The following LRP2 variants were observed in gnomAD, a reference collection of about 807,000 sequenced individuals.
The protein encoded by LRP2 is low-density lipoprotein receptor-related protein 2.
A neutral mutation model predicts 531.0 loss-of-function variants in LRP2; 172 were observed. That is an observed-to-expected ratio of 0.32 (90% CI 0.29 to 0.37). LRP2 has a LOEUF of 0.37. Among genes scored for constraint, LRP2 ranks in the 10% least tolerant of loss-of-function variants. The pLI is 1.00. For missense variants in LRP2, 5,167 were observed against 5,868.3 expected, an observed-to-expected ratio of 0.88 and a Z score of 3.90; for synonymous variants, 1,992 against 2,027.6, an observed-to-expected ratio of 0.98 and a Z score of 0.47.
chr2:169,179,822 T>C (rs1265507429), intron 52 of LRP2, among the ~76,000 whole-genome samples: 1 of 151,910 alleles, frequency 6.6e-6, no homozygotes, highest in Admixed American at 6.6e-5. Context: ...TAAAAATCTA[T>C]TGCTTTATGC....
At chr2:169,320,741 T>C in intron 2 of LRP2, 36 bp downstream of exon 2, 1 of 1,541,352 alleles carries the variant, frequency 6.5e-7, no homozygotes. Flanking sequence ...CTTAGGTTAC[T>C]CAAAATAGAA....
At chr2:169,137,625 A>T (rs1685564144) in intron 75 of LRP2, 132 bp from the exon 76 acceptor site, 6 of 568,496 alleles carry the variant, frequency 1.1e-5, no homozygotes, top group Middle Eastern at 4.0e-4. Context: ...GTGCTACGTC[A>T]TAAGTTACCC....
intron 63 of LRP2, among the ~76,000 whole-genome samples, chr2:169,161,708 A>G (rs921101172): frequency 8.5e-5 from 13 of 152,128 alleles, no homozygotes; most frequent in Non-Finnish European, 1.3e-4. Flanking sequence ...TCCTGGGCTC[A>G]AGAGATTTGT....
chr2:169,153,364 C>T (rs549478805), intron 66 of LRP2, among the ~76,000 whole-genome samples: 8 of 152,264 alleles, frequency 5.3e-5, no homozygotes, highest in South Asian at 4.1e-4. Flanking sequence ...GCCATGTCAA[C>T]GAGAAGTCCT....
chr2:169,266,826 G>A (rs1352635897), intron 16 of LRP2, among the ~76,000 whole-genome samples: 1 of 150,810 alleles, frequency 6.6e-6, no homozygotes, highest in African/African-American at 2.4e-5. Flanking sequence ...TCTCATACAC[G>A]TGACATTTCT....
chr2:169,193,114 A>G (rs1249639671), intron 47 of LRP2, among the ~76,000 whole-genome samples: 3 of 152,164 alleles, frequency 2.0e-5, no homozygotes, highest in Admixed American at 6.5e-5. Flanking sequence ...TCATTGTTAT[A>G]CTGTGAAGGT....
At position 169,307,926 on chromosome 2, in the gene LRP2, T is replaced by A. The variant is rs546561044; in HGVS notation, c.311-529A>T. ...TTTAAGCTAGCTTGATTTCATCCCATGTTGATTAGTATAGGTGAAAGCAGG... is the reference window on the plus strand; with the variant it reads ...TTTAAGCTAGCTTGATTTCATCCCAAGTTGATTAGTATAGGTGAAAGCAGG... On this transcript the variant is annotated intron_variant, in intron 3 of 78. Coordinates refer to ENST00000649046, the MANE Select transcript of LRP2 (RefSeq NM_004525.3). Among the ~76,000 whole-genome samples, 5 of 152,292 alleles carry A rather than the reference T, an allele frequency of 3.3e-5. No homozygotes were observed. In the South Asian group the frequency reaches 1.0e-3, roughly 32 times the overall value.
chr2:169,130,255 C>A (rs1419935071), intron 77 of LRP2, among the ~76,000 whole-genome samples: 1 of 150,958 alleles, frequency 6.6e-6, no homozygotes, highest in Non-Finnish European at 1.5e-5. Flanking sequence ...CTATGCATAT[C>A]AATGTAACTT....
chr2:169,280,510 G>C lies in LRP2; in HGVS notation c.1181C>G (p.Ala394Gly). The change falls in exon 11 of 79, where the codon GCC becomes GGC. Residue 394 changes from alanine (A) to glycine (G), a missense_variant. Physicochemically the swap from Ala to Gly is moderately conservative, Grantham distance 60. This residue lies in a region of LRP2 where 2,811 missense variants were observed against 3,058.0 expected (regional missense o/e 0.92). Transcript: ENST00000649046. ...YCKANDSFGE[A>G]SIIFSNGRDL... ...CCGACCATTGGAGAAGATAATGGAG[G>C]CCTCGCCAACTAAATGCGAAGAAGG... The C allele has an allele frequency of 1.2e-6, 2 of 1,614,080 alleles. No individual in the cohort carries two copies. Among genetic ancestry groups the C allele is most frequent in the East Asian group, 2.2e-5 (1 of 44,868 alleles).
chr2:169,138,128 C>T (rs185997727), intron 75 of LRP2, among the ~76,000 whole-genome samples: 3 of 152,270 alleles, frequency 2.0e-5, no homozygotes, highest in East Asian at 3.9e-4. Context: ...GTGGCAGAGC[C>T]GTGGTCTGGA....
intron 62 of LRP2, 80 bp from the exon 63 acceptor site, chr2:169,162,680 G>T: frequency 6.9e-7 from 1 of 1,447,744 alleles, no homozygotes; most frequent in Non-Finnish European, 9.6e-7. Flanking sequence ...GAGACAGTTT[G>T]TGCTTACCAA....
In LRP2 at chr2:169,225,328, A is replaced by G. The variant is rs1452925768; in HGVS notation, c.5520T>C (p.Pro1840=). ...TCATTACCTCGATTGACTGAGTTCT[A>G]GGATTGGTAGAATAAAGGTTTCTTG... ...WISRNLYSTN[P]RTQSIEVLTL... Residue 1840 remains proline, a synonymous_variant, in exon 33 of 79, where the codon CCT becomes CCC. Coordinates refer to ENST00000649046, the MANE Select transcript of LRP2 (RefSeq NM_004525.3). 1 of 1,613,788 alleles carries G rather than the reference A, an allele frequency of 6.2e-7. No individual in the cohort carries two copies.
chr2:169,142,757 CAG>C lies in LRP2; in HGVS notation c.13023_13024del (p.Cys4342ProfsTer24). The C allele has an allele frequency of 6.2e-7, 1 of 1,614,060 alleles. No individual in the cohort carries two copies. Among genetic ancestry groups the C allele is most frequent in the Non-Finnish European group, 8.5e-7 (1 of 1,179,944 alleles). On this transcript the variant is annotated frameshift_variant, in exon 71 of 79. Transcript: ENST00000649046. LOFTEE classifies it high-confidence loss of function. ...GCTGTATCCTCCAGGTCTCAGAAGG[CAG>C]AGGTGGCTGCAGATCTGTTTGCAAA...
rs769081497 is a variant in LRP2 at position 169,140,540 on chromosome 2, C to T, written c.13114G>A (p.Glu4372Lys). The change falls in exon 72 of 79, where the codon GAA becomes AAA. Residue 4372 changes from glutamate to lysine, a missense_variant. By Grantham distance (56) the Glu-to-Lys change is moderately conservative. Transcript: ENST00000649046. ...GSTTECDAAI[E>K]LPINLPPPCR... ...GGGGGGGGCAGGTTGATAGGCAGTTCGATGGCTGCAGGAAGGGAAAGCCAT... is the reference window on the plus strand; with the variant it reads ...GGGGGGGGCAGGTTGATAGGCAGTTTGATGGCTGCAGGAAGGGAAAGCCAT... 5 of 1,612,958 alleles carry T rather than the reference C, an allele frequency of 3.1e-6. No homozygotes were observed. Among genetic ancestry groups the T allele is most frequent in the Non-Finnish European group, 4.2e-6 (5 of 1,179,150 alleles).
chr2:169,173,771 C>T (rs1162797944), intron 56 of LRP2, 148 bp downstream of exon 56: 3 of 1,055,662 alleles, frequency 2.8e-6, no homozygotes, highest in Admixed American at 3.6e-5. Context: ...CTATACTCTG[C>T]CTTGCAGTGC....
chr2:169,231,929 G>A, intron 30 of LRP2, 87 bp from the exon 31 acceptor site: 2 of 1,530,580 alleles, frequency 1.3e-6, no homozygotes, highest in South Asian at 2.3e-5. Flanking sequence ...TGTCCTTCCA[G>A]AGGCCCCAGT....
At chr2:169,204,426 G>T (rs1688308860) in intron 41 of LRP2, among the ~76,000 whole-genome samples, 155 bp from the exon 42 acceptor site, 1 of 152,168 alleles carries the variant, frequency 6.6e-6, no homozygotes, top group African/African-American at 2.4e-5. Flanking sequence ...TTCTTCTGGT[G>T]ATGGGAGGTC....
At position 169,290,963 on chromosome 2, in the gene LRP2, T is replaced by C. The variant is rs755465752; in HGVS notation, c.804A>G (p.Pro268=). The C allele has an allele frequency of 6.2e-7, 1 of 1,614,010 alleles. No individual in the cohort carries two copies. Among genetic ancestry groups the C allele is most frequent in the African/African-American group, 1.3e-5 (1 of 74,898 alleles). The change falls in exon 8 of 79, where the codon CCA becomes CCG. Residue 268 remains proline, a synonymous_variant. Transcript: ENST00000649046. ...CCGACTCTGGGCAAGACCATTCTCT[T>C]GGGGAACATTTATGAACATCATGAG... ...SGPHDVHKCS[P]REWSCPESGR...
intron 10 of LRP2, among the ~76,000 whole-genome samples, chr2:169,281,165 T>C (rs568641949): frequency 6.6e-6 from 1 of 152,346 alleles, no homozygotes; most frequent in East Asian, 1.9e-4. Flanking sequence ...CTCACACCTG[T>C]AATCCCAGCA....
Sources: allele counts gnomAD v4.1 joint callset (sites outside exome capture counted in the v4.1 genomes callset), GRCh38; gene constraint gnomAD v4.1.1; regional missense constraint gnomAD v4.1.1; transcripts MANE v1.5; gene names NCBI Gene and HGNC (gene_info 2026-07-23, HGNC 2026-07-21).